The following SPRTN variants were observed in gnomAD, a reference collection of about 807,000 sequenced individuals.
SPRTN encodes DNA-dependent metalloprotease SPRTN.
A neutral mutation model predicts 31.9 loss-of-function variants in SPRTN; 11 were observed. The observed-to-expected ratio is 0.34, with a 90% CI of 0.22 to 0.57. The LOEUF (loss-of-function observed/expected upper bound fraction) is 0.57, where lower values mean the gene tolerates loss of function less well. Among genes scored for constraint, SPRTN ranks in the 20% least tolerant of loss-of-function variants. The pLI is 0.86. For missense variants in SPRTN, 482 were observed against 590.1 expected, an observed-to-expected ratio of 0.82 and a Z score of 1.90; for synonymous variants, 185 against 212.1, an observed-to-expected ratio of 0.87 and a Z score of 1.11.
Position 231,354,279 on chromosome 1 carries a change from T to C in SPRTN, c.*918T>C. ...TCTTTTTTAAAAAAAATATTTTCCA[T>C]GTTATAGGGAAAGGACAAAGAGACT... On this transcript the variant is annotated 3_prime_UTR_variant, in exon 5 of 5. Transcript: ENST00000295050. The C allele has an allele frequency of 1.0e-6, 1 of 977,836 alleles. No individual in the cohort carries two copies. Among genetic ancestry groups the C allele is most frequent in the Non-Finnish European group, 1.2e-6 (1 of 822,892 alleles). 60.6% of individuals were successfully genotyped at this position (977,836 alleles called of 1,614,324 possible). A position where few individuals can be genotyped will look rare whatever the true frequency, so the allele number is the denominator to read the frequency against.
intron 2 of SPRTN, chr1:231,344,782 C>A: frequency 3.7e-6 from 1 of 268,346 alleles, no homozygotes; most frequent in South Asian, 3.7e-5. Context: ...AGCAAAAACC[C>A]CAGCAATCTT....
intron 3 of SPRTN, among the ~76,000 whole-genome samples, chr1:231,350,055 G>A (rs1048221423): frequency 6.6e-6 from 1 of 152,120 alleles, no homozygotes; most frequent in Non-Finnish European, 1.5e-5. Flanking sequence ...CTCTTTTTGG[G>A]TAATGAATTA....
At chr1:231,352,324 C>CACA in intron 4 of SPRTN, 1 of 1,105,116 alleles carries the variant, frequency 9.0e-7, no homozygotes, top group Non-Finnish European at 1.1e-6. Context: ...ATAAAGGACA[C>CACA]TAAGCAATTT....
rs755918732 is a variant in SPRTN, at chr1:231,338,503, C to A, written c.120C>A (p.Asp40Glu). 1 of 1,614,246 alleles carries A rather than the reference C, an allele frequency of 6.2e-7. No individual in the cohort carries two copies. The highest frequency in any genetic ancestry group is 8.5e-7 in the Non-Finnish European group (1 of 1,180,036). Residue 40 changes from aspartate to glutamate, a missense_variant, in exon 1 of 5, where the codon GAC becomes GAA. By Grantham distance (45) the Asp-to-Glu change is conservative. Around this residue, in one of 2 missense-constraint regions of SPRTN, gnomAD observed 157 missense variants for 239.9 expected, o/e 0.65. Transcript: ENST00000295050. ...TGGACGCGTCGTGGGAGTTGGTGGA[C>A]CCCACACCGGACTTGCAGGCACTGT... ...SLVDASWELVDPTPDLQALFV... is the reference protein window; with the variant it reads ...SLVDASWELVEPTPDLQALFV...
In SPRTN at chr1:231,351,428, C is replaced by T; in HGVS notation, c.575C>T (p.Ser192Phe). ...YVKRATNREP[S>F]AHDYWWAEHQ... Reference sequence around the variant, plus strand: ...AAACGAGCTACTAACAGGGAACCCTCTGCTCATGACTATTGGTGGGCTGAG... The same window carrying T: ...AAACGAGCTACTAACAGGGAACCCTTTGCTCATGACTATTGGTGGGCTGAG... Residue 192 changes from serine (S) to phenylalanine (F), a missense_variant, in exon 4 of 5, where the codon TCT becomes TTT. Transcript: ENST00000295050. The T allele has an allele frequency of 1.2e-6, 2 of 1,614,196 alleles. No homozygotes were observed. Among genetic ancestry groups the T allele is most frequent in the Non-Finnish European group, 1.7e-6 (2 of 1,180,036 alleles).
At chr1:231,344,642 A>T (rs1315468831) in intron 2 of SPRTN, 2 of 242,106 alleles carry the variant, frequency 8.3e-6, no homozygotes, top group African/African-American at 4.6e-5. Context: ...ATAAGACTAA[A>T]ATTCATTAAT....
intron 2 of SPRTN, among the ~76,000 whole-genome samples, chr1:231,342,473 C>T (rs1686923426): frequency 6.6e-6 from 1 of 151,926 alleles, no homozygotes; most frequent in Non-Finnish European, 1.5e-5. Flanking sequence ...TCTTGTTGCC[C>T]AGGCTGGAGT....
At chr1:231,341,903 A>G (rs1458936882) in intron 2 of SPRTN, among the ~76,000 whole-genome samples, 1 of 152,146 alleles carries the variant, frequency 6.6e-6, no homozygotes, top group Non-Finnish European at 1.5e-5. Context: ...CAAGAATCGC[A>G]TGAACTCGGG....
rs774016148 is a variant in SPRTN, at chr1:231,353,509, A to C, written c.*148A>C. On this transcript the variant is annotated 3_prime_UTR_variant, in exon 5 of 5. Coordinates refer to ENST00000295050, the MANE Select transcript of SPRTN (RefSeq NM_032018.7). ...AAAGTGTCCTATTTTATATATACGC[A>C]TATAAGATTGTAATTTTAAGATGTT... is the stretch of plus-strand genomic sequence containing the variant. 132 of 1,363,400 alleles carry C rather than the reference A, an allele frequency of 9.7e-5. No homozygotes were observed. The highest frequency in any genetic ancestry group is 1.2e-4 in the Non-Finnish European group (130 of 1,065,290). 84.5% of individuals were successfully genotyped at this position (1,363,400 alleles called of 1,614,324 possible).
chr1:231,353,589 TCTG>T lies in SPRTN; in HGVS notation c.*230_*232del. The T allele has an allele frequency of 8.3e-7, 1 of 1,198,376 alleles. No individual in the cohort carries two copies. The allele number at this position is 1,198,376 out of a possible 1,614,324, so 74.2% of individuals were successfully genotyped here. A position where few individuals can be genotyped will look rare whatever the true frequency, so the allele number is the denominator to read the frequency against. On this transcript the variant is annotated 3_prime_UTR_variant, in exon 5 of 5. Transcript: ENST00000295050. ...GCCTTAGGTATACTGTAACCCAGGT[TCTG>T]CCTGTCGTGTATAAGTTTTAGATAC...
Position 231,354,384 on chromosome 1 carries a change from T to G in SPRTN, c.*1023T>G. On this transcript the variant is annotated 3_prime_UTR_variant, in exon 5 of 5. Coordinates refer to ENST00000295050, the MANE Select transcript of SPRTN (RefSeq NM_032018.7). Reference sequence around the variant, plus strand: ...CACAGTTGTTCACAAGTTTTCTTTTTTCTTGTTGCAATTTTCCTTCACTTT... The same window carrying G: ...CACAGTTGTTCACAAGTTTTCTTTTGTCTTGTTGCAATTTTCCTTCACTTT... 1 of 985,340 alleles carries G rather than the reference T, an allele frequency of 1.0e-6. No individual in the cohort carries two copies. Among genetic ancestry groups the G allele is most frequent in the Non-Finnish European group, 1.2e-6 (1 of 829,832 alleles). 61.0% of individuals were successfully genotyped at this position (985,340 alleles called of 1,614,324 possible). A position where few individuals can be genotyped will look rare whatever the true frequency, so the allele number is the denominator to read the frequency against.
rs1315079548 is a variant in SPRTN, at chr1:231,354,188, T to C, written c.*827T>C. Reference sequence around the variant, plus strand: ...AGTGGAAAGTTATCTGGAAATAGTATTTTGAACTTTAAGCCAAGTTTAAAA... The same window carrying C: ...AGTGGAAAGTTATCTGGAAATAGTACTTTGAACTTTAAGCCAAGTTTAAAA... On this transcript the variant is annotated 3_prime_UTR_variant, in exon 5 of 5. Coordinates refer to ENST00000295050, the MANE Select transcript of SPRTN (RefSeq NM_032018.7). 11 of 983,942 alleles carry C rather than the reference T, an allele frequency of 1.1e-5. No individual in the cohort carries two copies. The South Asian group carries it at 4.2e-4, about 38-fold the overall frequency. 61.0% of individuals were successfully genotyped at this position (983,942 alleles called of 1,614,324 possible).
Position 231,352,810 on chromosome 1 carries a change from A to G in SPRTN, c.919A>G (p.Asn307Asp). Reference sequence around the variant, plus strand: ...TAAAATCAAGGTGAAATTTGAACAGAATGGTTCAAGTAAAAATTCTCATCT... The same window carrying G: ...TAAAATCAAGGTGAAATTTGAACAGGATGGTTCAAGTAAAAATTCTCATCT... ...NSKIKVKFEQNGSSKNSHLVS... is the reference protein window; with the variant it reads ...NSKIKVKFEQDGSSKNSHLVS... The change falls in exon 5 of 5, where the codon AAT becomes GAT. Residue 307 changes from asparagine (N) to aspartate (D), a missense_variant. By Grantham distance (23) the Asn-to-Asp change is conservative (BLOSUM62 1). Coordinates refer to ENST00000295050, the MANE Select transcript of SPRTN (RefSeq NM_032018.7). The G allele has an allele frequency of 6.2e-7, 1 of 1,613,834 alleles. No homozygotes were observed. Among genetic ancestry groups the G allele is most frequent in the South Asian group, 1.1e-5 (1 of 91,034 alleles).
intron 3 of SPRTN, among the ~76,000 whole-genome samples, chr1:231,350,690 T>C (rs1219975443): frequency 6.6e-6 from 1 of 152,172 alleles, no homozygotes; most frequent in Admixed American, 6.6e-5. Flanking sequence ...CTTTTCAGTC[T>C]GGTAATAGAA....
rs140620655 is a variant in SPRTN at position 231,342,056 on chromosome 1, G to A, written c.321+2188G>A. The stretch of plus-strand genomic sequence containing the variant: ...GCCTCCCAAAGTGCTGGGATTACAG[G>A]TGTCAGCCAAGACACCCAGACTCAT... On this transcript the variant is annotated intron_variant, in intron 2 of 4. Coordinates refer to ENST00000295050, the MANE Select transcript of SPRTN (RefSeq NM_032018.7). 3.6e-3 allele frequency among the ~76,000 whole-genome samples: 545 copies of A among 152,218 alleles called. 2 individuals are homozygous for A. The highest frequency in any genetic ancestry group is 6.4e-3 in the Non-Finnish European group (432 of 68,014).
chr1:231,348,851 T>C (rs1319031328), intron 3 of SPRTN, among the ~76,000 whole-genome samples: 1 of 152,244 alleles, frequency 6.6e-6, no homozygotes, highest in Non-Finnish European at 1.5e-5. Flanking sequence ...AGGTGTATAA[T>C]GTACTGAATT....
chr1:231,353,764 C>T lies in SPRTN; in HGVS notation c.*403C>T, dbSNP rs1295047091. On this transcript the variant is annotated 3_prime_UTR_variant, in exon 5 of 5. Coordinates refer to ENST00000295050, the MANE Select transcript of SPRTN (RefSeq NM_032018.7). ...ATAGTATTAGAACTCATTCCCTGAA[C>T]TGATGTAAATCTTCATAGTGTCAGA... is the stretch of plus-strand genomic sequence containing the variant. 2.0e-6 allele frequency: 2 copies of T among 984,260 alleles called. No individual in the cohort carries two copies. The highest frequency in any genetic ancestry group is 2.4e-6 in the Non-Finnish European group (2 of 828,100). 61.0% of individuals were successfully genotyped at this position (984,260 alleles called of 1,614,324 possible).
intron 2 of SPRTN, among the ~76,000 whole-genome samples, chr1:231,345,351 C>T (rs745363708): frequency 6.6e-6 from 1 of 152,182 alleles, no homozygotes; most frequent in African/African-American, 2.4e-5. Flanking sequence ...TGGTCTTGAA[C>T]TCCTGACCTC....
chr1:231,344,834 G>A (rs1462578513), intron 2 of SPRTN: 1 of 243,168 alleles, frequency 4.1e-6, no homozygotes, highest in African/African-American at 2.3e-5. Flanking sequence ...GTGCATCTTT[G>A]GTGTGGAATG....
Sources: allele counts gnomAD v4.1 joint callset (sites outside exome capture counted in the v4.1 genomes callset), GRCh38; gene constraint gnomAD v4.1.1; regional missense constraint gnomAD v4.1.1; transcripts MANE v1.5; gene names NCBI Gene and HGNC (gene_info 2026-07-23, HGNC 2026-07-21).